Variants in AXDND1 observed in about 807,000 individuals in gnomAD.
The protein encoded by AXDND1 is axonemal dynein light chain domain-containing protein 1.
A neutral mutation model predicts 137.5 loss-of-function variants in AXDND1; 110 were observed. The ratio of observed to expected loss-of-function variants is 0.80; its 90% CI spans 0.69 to 0.94. AXDND1 has a LOEUF of 0.94. AXDND1 is among the 40% of genes least tolerant of loss of function. The pLI is 0.00. For synonymous variants in AXDND1, 414 were observed against 399.7 expected (o/e 1.04, Z -0.43); for missense variants, 1,191 against 1,169.8 (o/e 1.02, Z -0.26).
intron 11 of AXDND1, among the ~76,000 whole-genome samples, chr1:179,398,713 G>A (rs1220874978): frequency 6.6e-6 from 1 of 152,138 alleles, no homozygotes; most frequent in Non-Finnish European, 1.5e-5. Flanking sequence ...GGCAGGGGTG[G>A]TCACTCAGGG....
intron 22 of AXDND1, among the ~76,000 whole-genome samples, chr1:179,526,488 C>A (rs1027218802): frequency 3.9e-5 from 6 of 152,180 alleles, no homozygotes; most frequent in Non-Finnish European, 8.8e-5. Flanking sequence ...TGGCACAAGA[C>A]CCCTTGCTAA....
At chr1:179,397,549 A>T (rs1305821887) in intron 11 of AXDND1, among the ~76,000 whole-genome samples, 1 of 152,168 alleles carries the variant, frequency 6.6e-6, no homozygotes, top group Non-Finnish European at 1.5e-5. Flanking sequence ...ACGTTGGGGA[A>T]ATCCTCATGG....
chr1:179,478,122 A>G lies in AXDND1; in HGVS notation c.1998-5006A>G, dbSNP rs144071029. ...CACAGGCTCCCTCCTGGCTGCTTTC[A>G]TGGGCTGGGGTTGAGTGTCTACGTG... On this transcript the variant is annotated intron_variant, in intron 17 of 25. Coordinates refer to ENST00000367618, the MANE Select transcript of AXDND1 (RefSeq NM_144696.6). Among the ~76,000 whole-genome samples, 12 of 152,192 alleles carry G rather than the reference A, an allele frequency of 7.9e-5. No individual in the cohort carries two copies. In the East Asian group the frequency reaches 2.1e-3, roughly 27 times the overall value.
intron 4 of AXDND1, among the ~76,000 whole-genome samples, chr1:179,372,615 T>C (rs1047021086): frequency 2.0e-5 from 3 of 152,158 alleles, no homozygotes; most frequent in Non-Finnish European, 2.9e-5. Context: ...AAATAGATTT[T>C]CCAGAAGAGT....
At chr1:179,457,515 C>G (rs578102722) in intron 16 of AXDND1, among the ~76,000 whole-genome samples, 2 of 152,184 alleles carry the variant, frequency 1.3e-5, no homozygotes, top group Non-Finnish European at 2.9e-5. Flanking sequence ...TTCCCCCATA[C>G]TTTGTGTTAT....
At chr1:179,483,892 T>C (rs1665720442) in intron 18 of AXDND1, among the ~76,000 whole-genome samples, 1 of 152,170 alleles carries the variant, frequency 6.6e-6, no homozygotes, top group African/African-American at 2.4e-5. Context: ...AAGTTGGATA[T>C]AGGAGACAAG....
chr1:179,395,042 A>T, intron 10 of AXDND1, 56 bp from the exon 11 acceptor site: 4 of 1,473,948 alleles, frequency 2.7e-6, no homozygotes, highest in Admixed American at 2.0e-5. Flanking sequence ...TTTTCTTGGT[A>T]GAAACTTTTT....
chr1:179,401,587 G>A (rs1652060670), intron 11 of AXDND1, among the ~76,000 whole-genome samples: 1 of 152,038 alleles, frequency 6.6e-6, no homozygotes, highest in African/African-American at 2.4e-5. Context: ...TGGTTTGGCT[G>A]TGTCCCCACC....
chr1:179,534,979 AT>A lies in AXDND1; in HGVS notation c.3031+21del, dbSNP rs758147779. On this transcript the variant is annotated intron_variant, in intron 25 of 25. Transcript: ENST00000367618. ...CAAAGAAAGGTAAGGATTGCTTCGT[AT>A]TTTGCTTTATTCAGGTTGTATTTAT... The A allele has an allele frequency of 1.2e-6, 2 of 1,606,524 alleles. No homozygotes were observed. Among genetic ancestry groups the A allele is most frequent in the Admixed American group, 1.7e-5 (1 of 58,254 alleles).
chr1:179,386,280 C>G (rs1043901969), intron 9 of AXDND1, among the ~76,000 whole-genome samples: 1 of 151,988 alleles, frequency 6.6e-6, no homozygotes, highest in Admixed American at 6.6e-5. Flanking sequence ...GAACTCCTGA[C>G]CTCGTGATCT....
intron 21 of AXDND1, among the ~76,000 whole-genome samples, chr1:179,524,254 A>G (rs1192792386): frequency 1.3e-5 from 2 of 152,154 alleles, no homozygotes; most frequent in African/African-American, 4.8e-5. Context: ...TTAGTTCTTT[A>G]AGGAATCACT....
At chr1:179,453,769 C>T (rs1359477503) in intron 16 of AXDND1, 4 of 144,966 alleles carry the variant, frequency 2.8e-5, no homozygotes, top group Non-Finnish European at 5.9e-5. Flanking sequence ...CGTTGCACTC[C>T]AGCCTGGGCA....
intron 12 of AXDND1, among the ~76,000 whole-genome samples, chr1:179,417,016 G>T (rs899811434): frequency 6.6e-6 from 1 of 152,016 alleles, no homozygotes; most frequent in Admixed American, 6.6e-5. Flanking sequence ...CCTGTTTTTT[G>T]ATACAATCCA....
chr1:179,534,701 A>G (rs1446176375), intron 24 of AXDND1, 29 bp from the exon 25 acceptor site: 5 of 1,549,470 alleles, frequency 3.2e-6, no homozygotes, highest in Admixed American at 2.3e-5. Context: ...AACCCTTTCT[A>G]TTTTGTTGTG....
chr1:179,398,515 A>C (rs12746253), intron 11 of AXDND1, among the ~76,000 whole-genome samples: 5 of 151,850 alleles, frequency 3.3e-5, no homozygotes, highest in African/African-American at 7.3e-5. Flanking sequence ...GTGCATTCTC[A>C]TTGGCTGCAA....
chr1:179,374,464 C>G (rs1668367463), intron 4 of AXDND1, among the ~76,000 whole-genome samples: 3 of 152,134 alleles, frequency 2.0e-5, no homozygotes. Context: ...ACCCAGCAAT[C>G]CCATTACTGA....
At chr1:179,528,701 C>T (rs1323041871) in intron 23 of AXDND1, among the ~76,000 whole-genome samples, 2 of 135,514 alleles carry the variant, frequency 1.5e-5, no homozygotes, top group Non-Finnish European at 3.1e-5. Flanking sequence ...AAGCGATTCT[C>T]CTGCCTCAGT....
chr1:179,470,982 T>A (rs1485182806), intron 17 of AXDND1, among the ~76,000 whole-genome samples: 1 of 152,206 alleles, frequency 6.6e-6, no homozygotes, highest in Non-Finnish European at 1.5e-5. Context: ...TGACAAATGC[T>A]TTTTCTGTAT....
intron 9 of AXDND1, 41 bp from the exon 10 acceptor site, chr1:179,393,862 A>G: frequency 1.3e-6 from 2 of 1,516,146 alleles, no homozygotes; most frequent in Non-Finnish European, 1.8e-6. Flanking sequence ...TACTAAATTC[A>G]TTTATCAGAT....
Sources: allele counts gnomAD v4.1 joint callset (sites outside exome capture counted in the v4.1 genomes callset), GRCh38; gene constraint gnomAD v4.1.1; transcripts MANE v1.5; gene names NCBI Gene and HGNC (gene_info 2026-07-23, HGNC 2026-07-21).